Variants in BCL7A observed in about 807,000 individuals in gnomAD.
BCL7A encodes the protein B-cell CLL/lymphoma 7 protein family member A.
Under a neutral mutation model 28.4 loss-of-function variants are expected in BCL7A, and 11 were observed. The observed-to-expected ratio is 0.39, with a 90% confidence interval of 0.24 to 0.64. The LOEUF (loss-of-function observed/expected upper bound fraction) is 0.64, where lower values mean the gene tolerates loss of function less well. Among genes scored for constraint, BCL7A ranks in the 30% least tolerant of loss-of-function variants. The probability of loss-of-function intolerance (pLI) is 0.50; values close to 1 mark genes in which losing one functional copy is unlikely to be tolerated. For synonymous variants in BCL7A, 123 were observed against 103.3 expected, an observed-to-expected ratio of 1.19 and a Z score of -1.15; for missense variants, 222 against 274.8, an observed-to-expected ratio of 0.81 and a Z score of 1.36.
At chr12:122,025,081 G>T (rs1883586801) in intron 1 of BCL7A, among the ~76,000 whole-genome samples, 1 of 152,252 alleles carries the variant, frequency 6.6e-6, no homozygotes, top group Admixed American at 6.5e-5. Context: ...CCAGAAGATG[G>T]CTAAAGGGAA....
chr12:122,039,936 G>A (rs1383628395), intron 3 of BCL7A, among the ~76,000 whole-genome samples: 2 of 152,142 alleles, frequency 1.3e-5, no homozygotes, highest in Non-Finnish European at 2.9e-5. Flanking sequence ...CTGAGTTCAA[G>A]CAATCCTCCT....
intron 4 of BCL7A, 24 bp from the exon 5 acceptor site, chr12:122,054,778 GCTC>G: frequency 6.2e-7 from 1 of 1,607,082 alleles, no homozygotes; most frequent in Non-Finnish European, 8.5e-7. Flanking sequence ...TCTGAAAACA[GCTC>G]CTGTCGTCTT....
intron 4 of BCL7A, among the ~76,000 whole-genome samples, chr12:122,047,613 C>T (rs1018036924): frequency 1.3e-5 from 2 of 152,060 alleles, no homozygotes; most frequent in Admixed American, 1.3e-4. Flanking sequence ...CAGCCTTGAA[C>T]TGCTGGGCTC....
In BCL7A at chr12:122,060,503, G is replaced by T. The variant is rs1051158061; in HGVS notation, c.*1340G>T. The T allele has an allele frequency of 4.3e-6, 1 of 232,238 alleles. No individual in the cohort carries two copies. Among genetic ancestry groups the T allele is most frequent in the Non-Finnish European group, 8.5e-6 (1 of 117,132 alleles). 14.4% of individuals were successfully genotyped at this position (232,238 alleles called of 1,614,324 possible). A position where few individuals can be genotyped will look rare whatever the true frequency, so the allele number is the denominator to read the frequency against. ...TCTCACTGAACGGAGACGCCCCCTT[G>T]GACGAACTGCCTAATCGTTTGGTTC... On this transcript the variant is annotated 3_prime_UTR_variant, in exon 6 of 6. Transcript: ENST00000261822.
chr12:122,038,431 C>CAAAAAAAAAAAAAAAAAAAA lies in BCL7A; in HGVS notation c.271+3013_271+3032dup, dbSNP rs56376395. Among the ~76,000 whole-genome samples the CAAAAAAAAAAAAAAAAAAAA allele has an allele frequency of 1.2e-4, 4 of 33,552 alleles. 1 individual carries two copies. Among genetic ancestry groups the CAAAAAAAAAAAAAAAAAAAA allele is most frequent in the East Asian group, 2.2e-3 (2 of 902 alleles). 22.0% of individuals were successfully genotyped at this position (33,552 alleles called of 152,430 possible). ...TGGGCAAAGGAGCGAGACTCTGCCT[C>CAAAAAAAAAAAAAAAAAAAA]AAAAAAAAAAAAAAAAAAAAAAAAA... is the stretch of plus-strand genomic sequence containing the variant. On this transcript the variant is annotated intron_variant, in intron 3 of 5. Transcript: ENST00000261822.
At chr12:122,055,489 C>T (rs1388896569) in intron 5 of BCL7A, among the ~76,000 whole-genome samples, 1 of 152,166 alleles carries the variant, frequency 6.6e-6, no homozygotes, top group Non-Finnish European at 1.5e-5. Flanking sequence ...AATGGGATCA[C>T]GGAACTGTCT....
At chr12:122,058,047 A>G (rs2135862986) in intron 5 of BCL7A, among the ~76,000 whole-genome samples, 1 of 151,902 alleles carries the variant, frequency 6.6e-6, no homozygotes, top group South Asian at 2.1e-4. Flanking sequence ...AAAAAAAAAA[A>G]TCATCCGGGC....
Position 122,022,143 on chromosome 12 carries a change from A to T in BCL7A, c.52A>T (p.Ile18Phe), listed in dbSNP as rs1382095795. Residue 18 changes from isoleucine to phenylalanine, a missense_variant, in exon 1 of 6, where the codon ATC (isoleucine) becomes TTC (phenylalanine). Ile to Phe is a conservative substitution (Grantham distance 21, BLOSUM62 0). Coordinates refer to ENST00000261822, the MANE Select transcript of BCL7A (RefSeq NM_001024808.3). The stretch of plus-strand genomic sequence containing the variant: ...GACGAGGAGCCGGGCCAAAGATGAT[A>T]TCAAGAGGGTCATGGCGGCGATCGA... ...AETRSRAKDD[I>F]KRVMAAIEKV... 1 of 1,578,554 alleles carries T rather than the reference A, an allele frequency of 6.3e-7. No homozygotes were observed. The highest frequency in any genetic ancestry group is 1.1e-5 in the South Asian group (1 of 89,226).
At chr12:122,050,955 G>A (rs1023438833) in intron 4 of BCL7A, among the ~76,000 whole-genome samples, 7 of 152,194 alleles carry the variant, frequency 4.6e-5, no homozygotes, top group South Asian at 2.1e-4. Flanking sequence ...GAGCGATTGC[G>A]GGGTTCCCAA....
intron 4 of BCL7A, among the ~76,000 whole-genome samples, chr12:122,050,305 G>T (rs111640802): frequency 1.1e-4 from 17 of 151,694 alleles, no homozygotes; most frequent in Non-Finnish European, 1.9e-4. Flanking sequence ...TTGTGGGGGG[G>T]GGGCCATCCT....
intron 1 of BCL7A, among the ~76,000 whole-genome samples, chr12:122,025,154 A>G (rs546786167): frequency 6.6e-6 from 1 of 152,186 alleles, no homozygotes; most frequent in African/African-American, 2.4e-5. Context: ...GTGCTGGTGG[A>G]GGAGAGAAGA....
chr12:122,053,100 G>A (rs1043755004), intron 4 of BCL7A, among the ~76,000 whole-genome samples: 5 of 152,068 alleles, frequency 3.3e-5, no homozygotes, highest in Admixed American at 2.0e-4. Flanking sequence ...GGGTTCAAAC[G>A]ATTCTCCTGC....
intron 3 of BCL7A, among the ~76,000 whole-genome samples, chr12:122,036,358 G>C (rs1387138768): frequency 6.6e-6 from 1 of 152,086 alleles, no homozygotes; most frequent in Non-Finnish European, 1.5e-5. Context: ...GATTGCACCT[G>C]AGAGTAGCTG....
At chr12:122,056,513 G>A (rs967723132) in intron 5 of BCL7A, among the ~76,000 whole-genome samples, 4 of 152,082 alleles carry the variant, frequency 2.6e-5, no homozygotes, top group African/African-American at 9.7e-5. Context: ...CAAGCAATAC[G>A]TTTTTGGCCG....
intron 1 of BCL7A, among the ~76,000 whole-genome samples, chr12:122,023,057 G>T (rs571594839): frequency 1.6e-4 from 25 of 152,284 alleles, no homozygotes; most frequent in Admixed American, 1.4e-3. Context: ...TGGCGGCCGC[G>T]CGTGGTTTTC....
At chr12:122,056,148 A>G (rs1295503507) in intron 5 of BCL7A, among the ~76,000 whole-genome samples, 9 of 152,242 alleles carry the variant, frequency 5.9e-5, no homozygotes. Context: ...CAGGCGTAGC[A>G]TGAGCCCATC....
Position 122,022,129 on chromosome 12 carries a change from G to T in BCL7A, c.38G>T (p.Arg13Leu). The change falls in exon 1 of 6, where the codon CGG (arginine) becomes CTG (leucine). Residue 13 changes from arginine (R) to leucine (L), a missense_variant. By Grantham distance (102) the Arg-to-Leu change is moderately radical. Transcript: ENST00000261822. ...TCGGTTCGAGCCGAGACGAGGAGCCGGGCCAAAGATGATATCAAGAGGGTC... is the reference window on the plus strand; with the variant it reads ...TCGGTTCGAGCCGAGACGAGGAGCCTGGCCAAAGATGATATCAAGAGGGTC... ...GRSVRAETRS[R>L]AKDDIKRVMA... is the part of the protein sequence containing the mutation. 2 of 1,587,266 alleles carry T rather than the reference G, an allele frequency of 1.3e-6. No homozygotes were observed. Among genetic ancestry groups the T allele is most frequent in the Admixed American group, 1.7e-5 (1 of 58,738 alleles).
chr12:122,058,993 C>G, intron 5 of BCL7A, 99 bp from the exon 6 acceptor site: 3 of 1,045,218 alleles, frequency 2.9e-6, no homozygotes, highest in Non-Finnish European at 4.4e-6. Context: ...AAAGCCGCCC[C>G]CGCTCGGTTC....
At chr12:122,035,281 C>T (rs553459882) in intron 2 of BCL7A, 50 bp from the exon 3 acceptor site, 47 of 1,485,682 alleles carry the variant, frequency 3.2e-5, no homozygotes, top group East Asian at 9.0e-5. Context: ...AGCACGTGTG[C>T]GCACACACAT....
Sources: gnomAD v4.1 joint callset for allele counts (sites outside exome capture counted in the v4.1 genomes callset) on GRCh38, gnomAD v4.1.1 for gene constraint, MANE v1.5 for transcripts, NCBI Gene and HGNC (gene_info 2026-07-23, HGNC 2026-07-21) for gene names.